The following ARHGAP21 variants were observed in gnomAD, a reference collection of about 807,000 sequenced individuals.
ARHGAP21 encodes the protein rho GTPase-activating protein 21.
Under a neutral mutation model 164.6 loss-of-function variants are expected in ARHGAP21, and 38 were observed. That is an observed-to-expected ratio of 0.23 (90% CI 0.18 to 0.30). ARHGAP21 has a LOEUF of 0.30. ARHGAP21 is among the 10% of genes least tolerant of loss of function. The probability of loss-of-function intolerance (pLI) is 1.00; values close to 1 mark genes in which losing one functional copy is unlikely to be tolerated. For synonymous variants in ARHGAP21, 766 were observed against 857.9 expected (o/e 0.89, Z 1.87); for missense variants, 1,822 against 2,370.7 (o/e 0.77, Z 4.81).
In ARHGAP21 at chr10:24,722,062, A is replaced by T; in HGVS notation, c.-163T>A. The T allele has an allele frequency of 1.4e-6, 1 of 698,032 alleles. No individual in the cohort carries two copies. Among genetic ancestry groups the T allele is most frequent in the Non-Finnish European group, 2.5e-6 (1 of 399,214 alleles). 43.2% of individuals were successfully genotyped at this position (698,032 alleles called of 1,614,324 possible). A position where few individuals can be genotyped will look rare whatever the true frequency, so the allele number is the denominator to read the frequency against. Reference sequence around the variant, plus strand: ...GTGCCAGGGAATAAAGGTTTTCAGGAAGCGCCTTCAAATGCCTCGCTGATT... The same window carrying T: ...GTGCCAGGGAATAAAGGTTTTCAGGTAGCGCCTTCAAATGCCTCGCTGATT... On this transcript the variant is annotated 5_prime_UTR_variant, in exon 2 of 26. Coordinates refer to ENST00000396432, the MANE Select transcript of ARHGAP21 (RefSeq NM_020824.4).
At chr10:24,666,061 G>A (rs889503613) in intron 4 of ARHGAP21, among the ~76,000 whole-genome samples, 29 of 152,222 alleles carry the variant, frequency 1.9e-4, no homozygotes, top group African/African-American at 6.5e-4. Flanking sequence ...ACGGAGTCTC[G>A]CCCTGTCCCC....
rs1436858905 is a variant in ARHGAP21 at position 24,620,696 on chromosome 10, C to G, written c.1199G>C (p.Arg400Pro). The G allele has an allele frequency of 6.2e-7, 1 of 1,614,074 alleles. No homozygotes were observed. The change falls in exon 9 of 26, where the codon CGA becomes CCA. Residue 400 changes from arginine to proline, a missense_variant. Transcript: ENST00000396432. ...KTYKEYIDNRRLHIGCRTIQE... is the reference protein window; with the variant it reads ...KTYKEYIDNRPLHIGCRTIQE... Reference sequence around the variant, plus strand: ...TATTGTCCGACAACCTATGTGCAATCGTCTGTTATCAATATACTCTTTGTA... The same window carrying G: ...TATTGTCCGACAACCTATGTGCAATGGTCTGTTATCAATATACTCTTTGTA...
chr10:24,594,178 G>T (rs2076472662), intron 21 of ARHGAP21, among the ~76,000 whole-genome samples: 1 of 152,074 alleles, frequency 6.6e-6, no homozygotes, highest in African/African-American at 2.4e-5. Flanking sequence ...AAGAAGTAAT[G>T]CCCTTGAGTT....
At chr10:24,698,666 T>C (rs1843381311) in intron 2 of ARHGAP21, among the ~76,000 whole-genome samples, 1 of 152,216 alleles carries the variant, frequency 6.6e-6, no homozygotes, top group African/African-American at 2.4e-5. Flanking sequence ...TACTAGGGTA[T>C]ACTGGCCAAG....
chr10:24,653,468 T>G (rs1016840014), intron 4 of ARHGAP21, among the ~76,000 whole-genome samples: 1 of 151,750 alleles, frequency 6.6e-6, no homozygotes, highest in Non-Finnish European at 1.5e-5. Context: ...CCCAGCTACT[T>G]GGGAGGCTGA....
chr10:24,628,581 A>G (rs971947062), intron 7 of ARHGAP21, among the ~76,000 whole-genome samples: 2 of 152,104 alleles, frequency 1.3e-5, no homozygotes, highest in Non-Finnish European at 2.9e-5. Context: ...GCTATAGGTA[A>G]TAAGAAAAAA....
intron 7 of ARHGAP21, among the ~76,000 whole-genome samples, chr10:24,628,813 A>G (rs1181436301): frequency 3.9e-5 from 3 of 77,086 alleles, no homozygotes; most frequent in Admixed American, 1.3e-4. Context: ...ATACATATAT[A>G]TACATATACA....
chr10:24,668,523 G>A (rs990727567), intron 3 of ARHGAP21, among the ~76,000 whole-genome samples: 8 of 152,150 alleles, frequency 5.3e-5, no homozygotes, highest in African/African-American at 1.4e-4. Context: ...ATGAGCTGCC[G>A]GGATAGGCTC....
At chr10:24,644,318 C>T (rs1837353604) in intron 4 of ARHGAP21, among the ~76,000 whole-genome samples, 1 of 152,088 alleles carries the variant, frequency 6.6e-6, no homozygotes, top group African/African-American at 2.4e-5. Flanking sequence ...ATATAGCTAC[C>T]CTCTCTATCC....
intron 2 of ARHGAP21, among the ~76,000 whole-genome samples, chr10:24,698,479 A>G (rs1262422548): frequency 6.6e-6 from 1 of 152,168 alleles, no homozygotes; most frequent in African/African-American, 2.4e-5. Flanking sequence ...TCTCTTTGCA[A>G]TCAAGTCCAA....
At chr10:24,587,671 C>T (rs1371718318) in intron 25 of ARHGAP21, among the ~76,000 whole-genome samples, 1 of 152,170 alleles carries the variant, frequency 6.6e-6, no homozygotes, top group Non-Finnish European at 1.5e-5. Flanking sequence ...AATTGGGAGA[C>T]CTTGATGTCC....
rs1834399428 is a variant in ARHGAP21 at position 24,620,169 on chromosome 10, C to T, written c.1726G>A (p.Gly576Arg). Residue 576 changes from glycine to arginine, a missense_variant, in exon 9 of 26, where the codon GGA becomes AGA. Gly to Arg is a moderately radical substitution (Grantham distance 125). Transcript: ENST00000396432. Reference sequence around the variant, plus strand: ...TTAAACTGCGACACAGATCCCACTCCTCTACCACTCATTCGCCTGTTATCA... The same window carrying T: ...TTAAACTGCGACACAGATCCCACTCTTCTACCACTCATTCGCCTGTTATCA... The part of the protein sequence containing the change: ...NSDNRRMSGR[G>R]VGSVSQFKKI... 1.2e-6 allele frequency: 2 copies of T among 1,613,848 alleles called. No homozygotes were observed. Among genetic ancestry groups the T allele is most frequent in the Admixed American group, 1.7e-5 (1 of 59,982 alleles).
rs774592535 is a variant in ARHGAP21 at position 24,619,755 on chromosome 10, G to T, written c.2140C>A (p.Gln714Lys). The T allele has an allele frequency of 6.2e-7, 1 of 1,614,060 alleles. No homozygotes were observed. Among genetic ancestry groups the T allele is most frequent in the South Asian group, 1.1e-5 (1 of 91,072 alleles). ...DLELPVSQRN[Q>K]DLSLQEAETE... ...TCAGCCTCTTGTAAACTTAAATCTTGATTCCTTTGACTGACAGGTAGTTCT... is the reference window on the plus strand; with the variant it reads ...TCAGCCTCTTGTAAACTTAAATCTTTATTCCTTTGACTGACAGGTAGTTCT... Residue 714 changes from glutamine to lysine, a missense_variant, in exon 9 of 26, where the codon CAA becomes AAA. Transcript: ENST00000396432.
chr10:24,665,900 C>T (rs188163779), intron 4 of ARHGAP21, among the ~76,000 whole-genome samples: 2 of 152,188 alleles, frequency 1.3e-5, no homozygotes, highest in East Asian at 1.9e-4. Context: ...CGTGGGATTC[C>T]GGAAGAGAAC....
chr10:24,605,566 T>A (rs191032511), intron 11 of ARHGAP21, among the ~76,000 whole-genome samples: 1 of 152,176 alleles, frequency 6.6e-6, no homozygotes. Flanking sequence ...CTCCCTCAAG[T>A]AGCTGCTCCA....
chr10:24,675,143 T>A (rs1841089045), intron 2 of ARHGAP21, among the ~76,000 whole-genome samples: 1 of 152,248 alleles, frequency 6.6e-6, no homozygotes, highest in Admixed American at 6.5e-5. Context: ...AACTTTATTA[T>A]AGCCACAAAC....
chr10:24,635,451 A>T (rs1309759564), intron 4 of ARHGAP21, among the ~76,000 whole-genome samples: 1 of 152,200 alleles, frequency 6.6e-6, no homozygotes, highest in African/African-American at 2.4e-5. Flanking sequence ...GCTTAGAGGG[A>T]TTAAATAAAG....
intron 9 of ARHGAP21, among the ~76,000 whole-genome samples, chr10:24,612,888 A>C (rs2077330286): frequency 6.9e-6 from 1 of 145,086 alleles, no homozygotes; most frequent in Non-Finnish European, 1.5e-5. Flanking sequence ...AATAAATTCA[A>C]ATGTGACAAA....
At chr10:24,709,982 T>C (rs1434702381) in intron 2 of ARHGAP21, among the ~76,000 whole-genome samples, 1 of 152,168 alleles carries the variant, frequency 6.6e-6, no homozygotes, top group Non-Finnish European at 1.5e-5. Context: ...TGCACATATC[T>C]CTTTATGTCT....
Sources: allele counts gnomAD v4.1 joint callset (sites outside exome capture counted in the v4.1 genomes callset), GRCh38; gene constraint gnomAD v4.1.1; transcripts MANE v1.5; gene names NCBI Gene and HGNC (gene_info 2026-07-23, HGNC 2026-07-21).